Variants in FAR2 observed in about 807,000 individuals in gnomAD.
The protein encoded by FAR2 is fatty acyl-CoA reductase 2.
Under a neutral mutation model 56.0 loss-of-function variants are expected in FAR2, and 19 were observed. That is an observed-to-expected ratio of 0.34 (90% CI 0.24 to 0.50). The LOEUF (loss-of-function observed/expected upper bound fraction) is 0.50. Ranked by LOEUF, FAR2 falls within the 20% of genes least tolerant of loss-of-function variation. FAR2 has a pLI of 0.98. For missense variants in FAR2, 508 were observed against 642.2 expected (o/e 0.79, Z 2.26); for synonymous variants, 219 against 218.8 (o/e 1.00, Z -0.01).
At chr12:29,231,313 T>C (rs999119240) in intron 1 of FAR2, among the ~76,000 whole-genome samples, 1 of 152,066 alleles carries the variant, frequency 6.6e-6, no homozygotes, top group African/African-American at 2.4e-5. Flanking sequence ...GACTCCATAG[T>C]GGGTCAATAT....
intron 1 of FAR2, among the ~76,000 whole-genome samples, chr12:29,198,466 A>T (rs190648075): frequency 1.1e-3 from 172 of 152,194 alleles, no homozygotes; most frequent in Non-Finnish European, 1.6e-3. Context: ...TGACCTCTTG[A>T]TCCGCCTGCC....
intron 1 of FAR2, among the ~76,000 whole-genome samples, chr12:29,205,993 C>G (rs949474957): frequency 2.3e-4 from 35 of 152,160 alleles, no homozygotes; most frequent in African/African-American, 8.2e-4. Flanking sequence ...GGAGTAGAAG[C>G]ATAATAAAGA....
At chr12:29,179,558 G>A (rs527675732) in intron 1 of FAR2, among the ~76,000 whole-genome samples, 4 of 152,206 alleles carry the variant, frequency 2.6e-5, no homozygotes, top group South Asian at 2.1e-4. Flanking sequence ...TTCACACCCC[G>A]ACCTATCATA....
At chr12:29,281,973 G>A (rs1948792611) in intron 2 of FAR2, among the ~76,000 whole-genome samples, 1 of 152,166 alleles carries the variant, frequency 6.6e-6, no homozygotes, top group South Asian at 2.1e-4. Flanking sequence ...CACCCTCACT[G>A]AGTCTTAAAT....
intron 1 of FAR2, among the ~76,000 whole-genome samples, chr12:29,259,602 C>G (rs953558794): frequency 2.0e-5 from 3 of 152,116 alleles, no homozygotes; most frequent in African/African-American, 4.8e-5. Context: ...CATTTGTTCT[C>G]TAGGAATTAG....
At chr12:29,220,091 AC>A (rs1947667968) in intron 1 of FAR2, among the ~76,000 whole-genome samples, 2 of 152,214 alleles carry the variant, frequency 1.3e-5, no homozygotes, top group Admixed American at 1.3e-4. Context: ...GGCAGTAGTC[AC>A]AGTACTAATT....
At position 29,232,821 on chromosome 12, in the gene FAR2, G is replaced by GCGCACACA. The variant is rs71444325; in HGVS notation, c.-38-37590_-38-37589insGCACACAC. 4.6e-3 allele frequency among the ~76,000 whole-genome samples: 677 copies of GCGCACACA among 145,940 alleles called. 2 individuals are homozygous for GCGCACACA. The highest frequency in any genetic ancestry group is 7.0e-3 in the Middle Eastern group (2 of 284). ...CACACACACACACATACGCGCTCGCGCACACACACACACACACACACACAC... is the reference window on the plus strand; with the variant it reads ...CACACACACACACATACGCGCTCGCGCGCACACACACACACACACACACACACACACAC... On this transcript the variant is annotated intron_variant, in intron 1 of 11. Transcript: ENST00000536681.
chr12:29,163,375 C>G (rs1949798509), intron 1 of FAR2, among the ~76,000 whole-genome samples: 1 of 152,190 alleles, frequency 6.6e-6, no homozygotes, highest in African/African-American at 2.4e-5. Context: ...AGAGTTACAG[C>G]ATTACAGTTG....
intron 1 of FAR2, chr12:29,171,756 C>G (rs951983825): frequency 3.3e-5 from 5 of 152,414 alleles, no homozygotes; most frequent in African/African-American, 1.2e-4. Context: ...AGAAGTGCCT[C>G]TGCCCAGCTG....
chr12:29,299,213 C>CAAAAAAAAAAAAAAAAAAAAAAA (rs71042981), intron 4 of FAR2, among the ~76,000 whole-genome samples: 10 of 103,556 alleles, frequency 9.7e-5, no homozygotes, highest in African/African-American at 1.2e-4. Flanking sequence ...AACTTTGTCT[C>CAAAAAAAAAAAAAAAAAAAAAAA]AAAAAAAAAA....
At chr12:29,282,264 A>G (rs1948798512) in intron 2 of FAR2, 1 of 152,166 alleles carries the variant, frequency 6.6e-6, no homozygotes, top group African/African-American at 2.4e-5. Context: ...TCTTCATGTC[A>G]CTCGAGACTT....
intron 1 of FAR2, among the ~76,000 whole-genome samples, chr12:29,216,465 T>C (rs1947622487): frequency 7.4e-6 from 1 of 134,968 alleles, no homozygotes; most frequent in Middle Eastern, 3.7e-3. Flanking sequence ...CTCTTATTGC[T>C]CTCATGTGTA....
At chr12:29,244,936 A>T (rs1805716513) in intron 1 of FAR2, among the ~76,000 whole-genome samples, 1 of 151,694 alleles carries the variant, frequency 6.6e-6, no homozygotes, top group Non-Finnish European at 1.5e-5. Context: ...CATCCCTTCC[A>T]TTCCAGCCTC....
At chr12:29,249,773 CAA>C (rs1211322961) in intron 1 of FAR2, among the ~76,000 whole-genome samples, 1 of 152,030 alleles carries the variant, frequency 6.6e-6, no homozygotes, top group Non-Finnish European at 1.5e-5. Flanking sequence ...TAAAAAACTC[CAA>C]ATCATAGGGG....
At position 29,333,621 on chromosome 12, in the gene FAR2, C is replaced by G; in HGVS notation, c.1386-11C>G. ...TAGTTTTAACTTTGGTTATGTCTGT[C>G]TGTTCCCTAGGCTCCGAAATATTCA... On this transcript the variant is annotated splice_polypyrimidine_tract_variant and intron_variant, in intron 11 of 11. Coordinates refer to ENST00000536681, the MANE Select transcript of FAR2 (RefSeq NM_001271783.2). 6.2e-7 allele frequency: 1 copy of G among 1,609,004 alleles called. No individual in the cohort carries two copies. Among genetic ancestry groups the G allele is most frequent in the East Asian group, 2.2e-5 (1 of 44,776 alleles).
intron 4 of FAR2, among the ~76,000 whole-genome samples, chr12:29,297,770 G>A (rs564402507): frequency 2.6e-5 from 4 of 152,316 alleles, no homozygotes; most frequent in Admixed American, 2.6e-4. Flanking sequence ...TAGAGGCTGG[G>A]GGTGGTGGCT....
Position 29,309,217 on chromosome 12 carries a change from G to C in FAR2, c.755G>C (p.Gly252Ala), listed in dbSNP as rs1949305681. Residue 252 changes from glycine to alanine, a missense_variant, in exon 6 of 12, where the codon GGA becomes GCA. Transcript: ENST00000536681. ...GTTGATAATATAAATGGACCTAATG[G>C]AATCATTATTGCGGTATGTATAATG... Reference protein sequence around the residue: ...GWVDNINGPNGIIIATGKGFL... With the variant: ...GWVDNINGPNAIIIATGKGFL... The C allele has an allele frequency of 1.3e-6, 2 of 1,599,936 alleles. No individual in the cohort carries two copies. Among genetic ancestry groups the C allele is most frequent in the Non-Finnish European group, 1.7e-6 (2 of 1,169,296 alleles).
At chr12:29,321,745 G>A in intron 9 of FAR2, 50 bp from the exon 10 acceptor site, 2 of 1,591,950 alleles carry the variant, frequency 1.3e-6, no homozygotes, top group South Asian at 2.3e-5. Context: ...CCTGTAGAGT[G>A]ACAGGGAAGT....
chr12:29,163,462 G>A (rs1439695677), intron 1 of FAR2, among the ~76,000 whole-genome samples: 1 of 152,206 alleles, frequency 6.6e-6, no homozygotes, highest in African/African-American at 2.4e-5. Flanking sequence ...AGACAGAGAA[G>A]AGCAGTGACC....
Sources: allele counts gnomAD v4.1 joint callset (sites outside exome capture counted in the v4.1 genomes callset), GRCh38; gene constraint gnomAD v4.1.1; transcripts MANE v1.5; gene names NCBI Gene and HGNC (gene_info 2026-07-23, HGNC 2026-07-21).